The following CNTNAP5 variants were observed in gnomAD, a reference collection of about 807,000 sequenced individuals.
The protein encoded by CNTNAP5 is contactin associated protein family member 5.
Under a neutral mutation model 150.2 loss-of-function variants are expected in CNTNAP5, and 72 were observed. The observed-to-expected ratio is 0.48, with a 90% CI of 0.40 to 0.58. CNTNAP5 has a LOEUF of 0.58. Ranked by LOEUF, CNTNAP5 falls within the 20% of genes least tolerant of loss-of-function variation. The pLI, the probability that CNTNAP5 is intolerant of heterozygous loss-of-function variation, is 0.00. For missense variants in CNTNAP5, 1,636 were observed against 1,626.2 expected (o/e 1.01, Z -0.10); for synonymous variants, 672 against 619.8 (o/e 1.08, Z -1.25).
intron 4 of CNTNAP5, among the ~76,000 whole-genome samples, chr2:124,433,364 A>G (rs551244881): frequency 6.6e-6 from 1 of 152,334 alleles, no homozygotes; most frequent in South Asian, 2.1e-4. Flanking sequence ...AAATTGTGAA[A>G]TTGGGTTTTA....
intron 13 of CNTNAP5, among the ~76,000 whole-genome samples, chr2:124,730,319 G>A (rs1220507280): frequency 6.6e-6 from 1 of 151,530 alleles, no homozygotes; most frequent in Non-Finnish European, 1.5e-5. Context: ...ATACAGGTGT[G>A]CGCGTGTGTG....
intron 13 of CNTNAP5, among the ~76,000 whole-genome samples, chr2:124,654,591 A>G (rs1324642783): frequency 6.6e-6 from 1 of 152,036 alleles, no homozygotes; most frequent in Non-Finnish European, 1.5e-5. Context: ...TGCTTTGGCT[A>G]CTTCACCCGC....
At chr2:124,402,444 A>G (rs938165066) in intron 3 of CNTNAP5, among the ~76,000 whole-genome samples, 1 of 152,226 alleles carries the variant, frequency 6.6e-6, no homozygotes, top group African/African-American at 2.4e-5. Flanking sequence ...GGGAGAGAAC[A>G]TGAGCACGTG....
intron 10 of CNTNAP5, among the ~76,000 whole-genome samples, chr2:124,533,616 A>G (rs554555216): frequency 6.6e-6 from 1 of 152,256 alleles, no homozygotes; most frequent in Admixed American, 6.5e-5. Context: ...CAGCTCCCTC[A>G]AAGTCCCAAA....
rs70996061 is a variant in CNTNAP5 at position 124,349,874 on chromosome 2, C to CTTTTTTTTTTTT, written c.382-67552_382-67541dup. ...GTTTTGAAATGACTTCTGGCTATTT[C>CTTTTTTTTTTTT]TTTTTTTTTTTTTTTTTTTTTTTTT... On this transcript the variant is annotated intron_variant, in intron 3 of 23. Transcript: ENST00000682447. 2.7e-3 allele frequency among the ~76,000 whole-genome samples: 219 copies of CTTTTTTTTTTTT among 81,804 alleles called. 39 individuals carry two copies. Among genetic ancestry groups the CTTTTTTTTTTTT allele is most frequent in the Middle Eastern group, 9.1e-3 (1 of 110 alleles). 53.7% of individuals were successfully genotyped at this position (81,804 alleles called of 152,430 possible). A position where few individuals can be genotyped will look rare whatever the true frequency, so the allele number is the denominator to read the frequency against.
chr2:124,511,617 C>T (rs1168155218), intron 8 of CNTNAP5, among the ~76,000 whole-genome samples: 1 of 152,164 alleles, frequency 6.6e-6, no homozygotes, highest in South Asian at 2.1e-4. Flanking sequence ...TTCATGATTT[C>T]TTGAGAGAAA....
At chr2:124,776,596 G>A (rs1681329545) in intron 17 of CNTNAP5, among the ~76,000 whole-genome samples, 1 of 152,182 alleles carries the variant, frequency 6.6e-6, no homozygotes, top group African/African-American at 2.4e-5. Context: ...ACTGGCCTCA[G>A]TCTCCTCTTG....
intron 1 of CNTNAP5, among the ~76,000 whole-genome samples, chr2:124,185,644 C>T (rs901421611): frequency 1.3e-5 from 2 of 152,148 alleles, no homozygotes; most frequent in Admixed American, 6.5e-5. Flanking sequence ...CAGGAATGAG[C>T]ACCAGCCACA....
intron 20 of CNTNAP5, among the ~76,000 whole-genome samples, chr2:124,869,292 A>C (rs1677695253): frequency 6.6e-6 from 1 of 152,142 alleles, no homozygotes; most frequent in Non-Finnish European, 1.5e-5. Flanking sequence ...AAGGGGGAGA[A>C]ATGGAAAATG....
intron 19 of CNTNAP5, among the ~76,000 whole-genome samples, chr2:124,851,904 C>T (rs1225925776): frequency 6.6e-6 from 1 of 152,046 alleles, no homozygotes; most frequent in Admixed American, 6.6e-5. Context: ...AGGCATTGTT[C>T]GGACAAACAA....
At chr2:124,546,909 A>C (rs1039207696) in intron 10 of CNTNAP5, among the ~76,000 whole-genome samples, 1 of 152,136 alleles carries the variant, frequency 6.6e-6, no homozygotes, top group African/African-American at 2.4e-5. Flanking sequence ...CATTGAAGTA[A>C]TTATTGTGAT....
At chr2:124,661,270 C>T (rs1678584916) in intron 13 of CNTNAP5, among the ~76,000 whole-genome samples, 1 of 152,114 alleles carries the variant, frequency 6.6e-6, no homozygotes, top group African/African-American at 2.4e-5. Context: ...ACACACATTG[C>T]ACATCTGTAC....
Position 124,871,244 on chromosome 2 carries a change from G to T in CNTNAP5, c.3436+1482G>T, listed in dbSNP as rs369114286. Among the ~76,000 whole-genome samples the T allele has an allele frequency of 7.3e-5, 10 of 137,810 alleles. No individual in the cohort carries two copies. In the East Asian group the frequency reaches 9.7e-4, roughly 13 times the overall value. The allele number at this position is 137,810 out of a possible 152,430, so 90.4% of individuals were successfully genotyped here. A position where few individuals can be genotyped will look rare whatever the true frequency, so the allele number is the denominator to read the frequency against. ...TCTTTTGAATTATTTTCTGTTTAAG[G>T]TTCCCTTCATTATACATACATATAC... On this transcript the variant is annotated intron_variant, in intron 21 of 23. Transcript: ENST00000682447.
At chr2:124,253,470 C>T (rs1199840089) in intron 3 of CNTNAP5, among the ~76,000 whole-genome samples, 1 of 152,028 alleles carries the variant, frequency 6.6e-6, no homozygotes, top group East Asian at 1.9e-4. Context: ...GATTTTTGTT[C>T]CACTACCTCC....
intron 19 of CNTNAP5, among the ~76,000 whole-genome samples, chr2:124,850,054 C>A (rs1219575090): frequency 6.6e-6 from 1 of 151,716 alleles, no homozygotes; most frequent in Non-Finnish European, 1.5e-5. Context: ...GTAAAATTAG[C>A]GTAAAGTTAA....
chr2:124,768,694 C>T (rs1006067527), intron 16 of CNTNAP5, among the ~76,000 whole-genome samples: 1 of 152,066 alleles, frequency 6.6e-6, no homozygotes, highest in African/African-American at 2.4e-5. Context: ...AGGTTAGAAT[C>T]GAGGACCCAC....
intron 19 of CNTNAP5, among the ~76,000 whole-genome samples, chr2:124,812,507 A>T (rs559032748): frequency 6.6e-6 from 1 of 152,140 alleles, no homozygotes; most frequent in Non-Finnish European, 1.5e-5. Context: ...GGAAAAGTCA[A>T]CTAGCATTTG....
intron 6 of CNTNAP5, among the ~76,000 whole-genome samples, chr2:124,452,991 A>G (rs549309624): frequency 1.3e-5 from 2 of 152,200 alleles, no homozygotes; most frequent in Non-Finnish European, 2.9e-5. Context: ...CAAAAAAATT[A>G]CACTAGCTTT....
chr2:124,548,674 A>C (rs2104914290), intron 10 of CNTNAP5, among the ~76,000 whole-genome samples: 1 of 152,238 alleles, frequency 6.6e-6, no homozygotes, highest in South Asian at 2.1e-4. Flanking sequence ...AGGAAAGAAA[A>C]AAACACAGTC....
Sources: gnomAD v4.1 joint callset for allele counts (sites outside exome capture counted in the v4.1 genomes callset) on GRCh38, gnomAD v4.1.1 for gene constraint, MANE v1.5 for transcripts, NCBI Gene and HGNC (gene_info 2026-07-23, HGNC 2026-07-21) for gene names.